Variants in OR2AT4 observed in about 807,000 individuals in gnomAD.
OR2AT4 encodes olfactory receptor 2AT4.
Under a neutral mutation model 10.3 loss-of-function variants are expected in OR2AT4, and 6 were observed. That is an observed-to-expected ratio of 0.58 (90% CI 0.32 to 1.15). The LOEUF (loss-of-function observed/expected upper bound fraction) is 1.15. OR2AT4 is among the 50% of genes most tolerant of loss of function. OR2AT4 has a pLI of 0.05. For missense variants in OR2AT4, 354 were observed against 393.8 expected, an observed-to-expected ratio of 0.90 and a Z score of 0.85; for synonymous variants, 145 against 159.1, an observed-to-expected ratio of 0.91 and a Z score of 0.67.
chr11:75,089,683 C>G, exon 2 of OR2AT4: 1 of 1,613,124 alleles, frequency 6.2e-7, no homozygotes. Context: ...GGTGAGCCAT[C>G]CACTGATTCA....
exon 2 of OR2AT4, chr11:75,086,786 A>G (rs1181946528): frequency 2.0e-5 from 3 of 152,184 alleles, no homozygotes; most frequent in Non-Finnish European, 2.9e-5. Context: ...CAAATATATA[A>G]CATGTATCCA....
At chr11:75,085,211 A>G (rs1289504872) in exon 2 of OR2AT4, 1 of 152,110 alleles carries the variant, frequency 6.6e-6, no homozygotes, top group Non-Finnish European at 1.5e-5. Context: ...CATTAAAAGG[A>G]TAATAAGGGA....
intron 1 of OR2AT4, among the ~76,000 whole-genome samples, chr11:75,093,400 T>C (rs1052727582): frequency 6.6e-6 from 1 of 152,350 alleles, no homozygotes; most frequent in Middle Eastern, 3.4e-3. Context: ...TTGGGAGCCA[T>C]TGTTGCTAGA....
chr11:75,083,302 C>G (rs971143907), exon 2 of OR2AT4: 1 of 152,136 alleles, frequency 6.6e-6, no homozygotes, highest in Non-Finnish European at 1.5e-5. Context: ...AAAAAATGCT[C>G]AACATCACTA....
exon 2 of OR2AT4, chr11:75,089,629 A>C: frequency 6.2e-7 from 1 of 1,614,044 alleles, no homozygotes; most frequent in Non-Finnish European, 8.5e-7. Context: ...ACAGGGAGGA[A>C]GAAGGTCTCT....
At chr11:75,082,363 G>C (rs1396656160) in exon 2 of OR2AT4, 1 of 152,014 alleles carries the variant, frequency 6.6e-6, no homozygotes, top group African/African-American at 2.4e-5. Flanking sequence ...TGATGAGTTA[G>C]TGGGTGCAGC....
chr11:75,088,940 T>C, exon 2 of OR2AT4: 1 of 1,614,132 alleles, frequency 6.2e-7, no homozygotes, highest in South Asian at 1.1e-5. Context: ...TGGCAATAGA[T>C]GAGTAGTAGG....
exon 2 of OR2AT4, chr11:75,087,783 T>C (rs535843693): frequency 2.6e-5 from 4 of 152,346 alleles, no homozygotes; most frequent in African/African-American, 9.6e-5. Context: ...TATTTTAAAT[T>C]GAGGGAATTG....
At chr11:75,090,841 T>C (rs1949317548) in intron 1 of OR2AT4, among the ~76,000 whole-genome samples, 1 of 147,442 alleles carries the variant, frequency 6.8e-6, no homozygotes, top group Non-Finnish European at 1.5e-5. Flanking sequence ...GGAAGAGGGA[T>C]TTCCTCACAC....
intron 1 of OR2AT4, among the ~76,000 whole-genome samples, chr11:75,093,804 C>CTTTTTTTTTTTTTTTTTTTTT (rs1166766222): frequency 6.8e-5 from 6 of 88,348 alleles, no homozygotes; most frequent in African/African-American, 1.3e-4. Context: ...TTTTCTTTTT[C>CTTTTTTTTTTTTTTTTTTTTT]TTTTTCTTTT....
chr11:75,088,474 T>G (rs1015728839), exon 2 of OR2AT4: 1 of 257,020 alleles, frequency 3.9e-6, no homozygotes, highest in African/African-American at 2.2e-5. Context: ...AATGTTTATT[T>G]CAATCTTCTA....
chr11:75,086,688 A>T (rs978816070), exon 2 of OR2AT4: 4 of 152,196 alleles, frequency 2.6e-5, no homozygotes, highest in Admixed American at 6.5e-5. Context: ...GAGTGGTTAC[A>T]TTTGTTACAT....
intron 1 of OR2AT4, among the ~76,000 whole-genome samples, chr11:75,092,175 G>A (rs749025917): frequency 1.3e-5 from 2 of 152,090 alleles, no homozygotes; most frequent in Non-Finnish European, 2.9e-5. Flanking sequence ...TAAAATACAG[G>A]ATGTTAATAA....
chr11:75,083,426 T>C (rs948160953), exon 2 of OR2AT4: 1 of 152,170 alleles, frequency 6.6e-6, no homozygotes, highest in Non-Finnish European at 1.5e-5. Context: ...GAAAATGGAA[T>C]GCTTATACAC....
chr11:75,092,821 G>T (rs968328783), intron 1 of OR2AT4, among the ~76,000 whole-genome samples: 4 of 151,952 alleles, frequency 2.6e-5, no homozygotes, highest in Admixed American at 6.6e-5. Flanking sequence ...AAAAGATAAG[G>T]TCAGGTGCAG....
rs145075719 is a variant in OR2AT4, at chr11:75,089,595, T to C, written c.119A>G (p.Tyr40Cys). The stretch of plus-strand genomic sequence containing the variant: ...GGCATTACCCATCAGGATGAGAAGG[T>C]AGAAGAGGAGGAAAATAAAAAACAC... Residue 40 changes from tyrosine (Y) to cysteine (C), a missense_variant, in exon 2 of 2, where the codon TAC (tyrosine) becomes TGC (cysteine). By Grantham distance (194) the Tyr-to-Cys change is radical. Coordinates refer to ENST00000641504, the Ensembl canonical transcript of OR2AT4. The C allele has an allele frequency of 4.6e-5, 75 of 1,613,612 alleles. No homozygotes were observed. The African/African-American group carries it at 9.4e-4, about 20-fold the overall frequency.
exon 2 of OR2AT4, chr11:75,089,060 C>T: frequency 6.2e-7 from 1 of 1,613,944 alleles, no homozygotes; most frequent in Non-Finnish European, 8.5e-7. Context: ...AGAGAAGCAC[C>T]AGGAGAAGGG....
exon 2 of OR2AT4, chr11:75,089,896 C>G (rs2140279536): frequency 1.6e-6 from 1 of 613,216 alleles, no homozygotes; most frequent in Non-Finnish European, 2.6e-6. Context: ...ATGGTATTGA[C>G]TTTTGCCATG....
At chr11:75,089,957 A>C (rs1176340934) in exon 2 of OR2AT4, 1 of 484,700 alleles carries the variant, frequency 2.1e-6, no homozygotes, top group African/African-American at 1.9e-5. Flanking sequence ...ATAACCAACC[A>C]AATAGAAGTC....
Sources: allele counts gnomAD v4.1 joint callset (sites outside exome capture counted in the v4.1 genomes callset), GRCh38; gene constraint gnomAD v4.1.1; transcripts MANE v1.5; gene names NCBI Gene and HGNC (gene_info 2026-07-23, HGNC 2026-07-21).